Variants in FNDC3B observed in about 807,000 individuals in gnomAD.
FNDC3B encodes the protein fibronectin type III domain-containing protein 3B.
A neutral mutation model predicts 151.5 loss-of-function variants in FNDC3B; 12 were observed. That is an observed-to-expected ratio of 0.08 (90% CI 0.05 to 0.13). The LOEUF is 0.13. Among genes scored for constraint, FNDC3B ranks in the 10% least tolerant of loss-of-function variants. The pLI, the probability that FNDC3B is intolerant of heterozygous loss-of-function variation, is 1.00. For missense variants in FNDC3B, 1,214 were observed against 1,505.3 expected (o/e 0.81, Z 3.20); for synonymous variants, 528 against 549.0 (o/e 0.96, Z 0.54).
At chr3:172,280,861 A>T (rs11922897) in intron 6 of FNDC3B, among the ~76,000 whole-genome samples, 14,715 of 152,132 alleles carry the variant, frequency 0.097, 786 homozygotes, top group African/African-American at 0.14. Flanking sequence ...CACATGACAC[A>T]TCTTCCCTCT....
chr3:172,199,463 G>A (rs1317191225), intron 3 of FNDC3B, among the ~76,000 whole-genome samples: 1 of 152,192 alleles, frequency 6.6e-6, no homozygotes, highest in Non-Finnish European at 1.5e-5. Flanking sequence ...ACAGGTGTGA[G>A]CCACCGCGCC....
At chr3:172,151,842 G>T (rs58392620) in intron 3 of FNDC3B, among the ~76,000 whole-genome samples, 8,254 of 152,200 alleles carry the variant, frequency 0.054, 663 homozygotes, top group African/African-American at 0.18. Context: ...GGGGAAAAAC[G>T]GTTATGCGTT....
intron 6 of FNDC3B, among the ~76,000 whole-genome samples, chr3:172,266,178 A>G (rs1267296903): frequency 3.9e-5 from 6 of 152,176 alleles, no homozygotes; most frequent in Non-Finnish European, 8.8e-5. Flanking sequence ...TTGCCACTTG[A>G]GCTCAGTTCC....
chr3:172,134,025 G>A (rs543110274), intron 3 of FNDC3B, among the ~76,000 whole-genome samples: 26 of 152,226 alleles, frequency 1.7e-4, no homozygotes, highest in African/African-American at 5.1e-4. Context: ...GGTCATTGGG[G>A]GCCATCTCAG....
At chr3:172,335,200 T>A in intron 15 of FNDC3B, 118 bp downstream of exon 15, 4 of 1,026,380 alleles carry the variant, frequency 3.9e-6, no homozygotes, top group Non-Finnish European at 5.5e-6. Context: ...TTTGCAGAAG[T>A]TTTCTGCATT....
intron 6 of FNDC3B, among the ~76,000 whole-genome samples, chr3:172,261,071 A>G (rs570409903): frequency 4.6e-5 from 7 of 152,312 alleles, no homozygotes; most frequent in African/African-American, 1.7e-4. Context: ...GTAACCCACT[A>G]AATTTCCAAG....
At chr3:172,302,004 C>T (rs1001653625) in intron 9 of FNDC3B, 1 of 152,000 alleles carries the variant, frequency 6.6e-6, no homozygotes, top group Admixed American at 6.5e-5. Context: ...TTTTTTCTTC[C>T]AACTCTTAAT....
intron 16 of FNDC3B, 31 bp from the exon 17 acceptor site, chr3:172,341,082 C>A: frequency 1.4e-6 from 2 of 1,413,684 alleles, no homozygotes; most frequent in Non-Finnish European, 1.0e-6. Context: ...TTACAAGAGG[C>A]ATAAAGTCAT....
intron 12 of FNDC3B, chr3:172,329,622 G>A (rs969315093): frequency 6.6e-6 from 1 of 152,230 alleles, no homozygotes; most frequent in African/African-American, 2.4e-5. Context: ...GCTTTGAAAA[G>A]GCCATGTTTC....
At chr3:172,114,278 T>C (rs1720134904) in intron 2 of FNDC3B, among the ~76,000 whole-genome samples, 1 of 151,930 alleles carries the variant, frequency 6.6e-6, no homozygotes, top group Admixed American at 6.6e-5. Flanking sequence ...GGTTTCAAGA[T>C]GCAGTGTTTG....
intron 17 of FNDC3B, 88 bp downstream of exon 17, chr3:172,341,319 C>G (rs1733310188): frequency 1.0e-6 from 1 of 952,950 alleles, no homozygotes; most frequent in Non-Finnish European, 1.7e-6. Flanking sequence ...GCAGTTTAAA[C>G]AATGTATCTT....
intron 2 of FNDC3B, among the ~76,000 whole-genome samples, chr3:172,121,338 C>A (rs1362690834): frequency 6.6e-6 from 1 of 152,122 alleles, no homozygotes; most frequent in Non-Finnish European, 1.5e-5. Flanking sequence ...AGGCTGGGCG[C>A]TGGTTCATGT....
intron 7 of FNDC3B, among the ~76,000 whole-genome samples, chr3:172,293,620 G>A (rs1730451753): frequency 6.6e-6 from 1 of 152,206 alleles, no homozygotes; most frequent in South Asian, 2.1e-4. Context: ...GTAGAACATG[G>A]AGGAGTGACA....
At chr3:172,095,468 G>A (rs1719050007) in intron 1 of FNDC3B, among the ~76,000 whole-genome samples, 1 of 152,226 alleles carries the variant, frequency 6.6e-6, no homozygotes, top group African/African-American at 2.4e-5. Context: ...GAGAGCTATA[G>A]CACAGCTTTA....
chr3:172,059,372 C>T (rs1412831381), intron 1 of FNDC3B, among the ~76,000 whole-genome samples: 4 of 152,134 alleles, frequency 2.6e-5, no homozygotes, highest in Non-Finnish European at 5.9e-5. Flanking sequence ...GATTAGTTCT[C>T]CTCAGGACTC....
chr3:172,213,278 G>C (rs1725819828), intron 3 of FNDC3B, among the ~76,000 whole-genome samples: 1 of 152,310 alleles, frequency 6.6e-6, no homozygotes, highest in Admixed American at 6.5e-5. Flanking sequence ...AAGTGAATGT[G>C]ATCCCTAGAC....
intron 6 of FNDC3B, among the ~76,000 whole-genome samples, chr3:172,263,716 A>C (rs558977090): frequency 3.3e-5 from 5 of 149,972 alleles, no homozygotes; most frequent in African/African-American, 1.2e-4. Context: ...CTATATCTTC[A>C]TTTCATTGAA....
At chr3:172,262,910 A>G (rs1224913449) in intron 6 of FNDC3B, among the ~76,000 whole-genome samples, 1 of 149,454 alleles carries the variant, frequency 6.7e-6, no homozygotes, top group African/African-American at 2.5e-5. Context: ...AAAAAAAAAA[A>G]AAAAAAAAAA....
chr3:172,213,212 G>T (rs1324422469), intron 3 of FNDC3B, among the ~76,000 whole-genome samples: 1 of 152,204 alleles, frequency 6.6e-6, no homozygotes, highest in Admixed American at 6.5e-5. Context: ...CCTGACCTCA[G>T]ATCTGTGGCC....
Sources: gnomAD v4.1 joint callset for allele counts (sites outside exome capture counted in the v4.1 genomes callset) on GRCh38, gnomAD v4.1.1 for gene constraint, MANE v1.5 for transcripts, NCBI Gene and HGNC (gene_info 2026-07-23, HGNC 2026-07-21) for gene names.